Variants in AP3B1 observed in about 807,000 individuals in gnomAD.
AP3B1 encodes the protein adaptor related protein complex 3 subunit beta 1.
In AP3B1, 61 loss-of-function variants were observed where a neutral mutation model predicts 132.5. The observed-to-expected ratio is 0.46, with a 90% CI of 0.37 to 0.57. AP3B1 has a LOEUF of 0.57. Among genes scored for constraint, AP3B1 ranks in the 20% least tolerant of loss-of-function variants. The probability of loss-of-function intolerance (pLI) is 0.00; values close to 1 mark genes in which losing one functional copy is unlikely to be tolerated. For missense variants in AP3B1, 1,120 were observed against 1,289.4 expected (o/e 0.87, Z 2.01); for synonymous variants, 388 against 438.3 (o/e 0.89, Z 1.43).
intron 2 of AP3B1, among the ~76,000 whole-genome samples, chr5:78,243,509 C>G (rs1380053176): frequency 6.6e-6 from 1 of 152,198 alleles, no homozygotes; most frequent in Non-Finnish European, 1.5e-5. Flanking sequence ...ATACAAAGTC[C>G]TTGCCCATGT....
At chr5:78,128,483 C>T (rs944938573) in intron 16 of AP3B1, among the ~76,000 whole-genome samples, 1 of 152,098 alleles carries the variant, frequency 6.6e-6, no homozygotes, top group East Asian at 1.9e-4. Flanking sequence ...TTGGCACAAA[C>T]ACATCCAGAA....
chr5:78,124,350 T>C (rs1752370331), intron 17 of AP3B1, among the ~76,000 whole-genome samples: 1 of 151,942 alleles, frequency 6.6e-6, no homozygotes, highest in Admixed American at 6.6e-5. Context: ...AATAATAAAA[T>C]AAAAATTAAA....
rs566801586 is a variant in AP3B1, at chr5:78,236,762, G to C, written c.279+4100C>G. Among the ~76,000 whole-genome samples, 26 of 152,160 alleles carry C rather than the reference G, an allele frequency of 1.7e-4. No individual in the cohort carries two copies. The East Asian group carries it at 4.6e-3, about 27-fold the overall frequency. ...TCTATTCCTGATAATACTAAGACAA[G>C]CTTCACCTATGCCTCATAATTTTTC... On this transcript the variant is annotated intron_variant, in intron 3 of 26. Transcript: ENST00000255194.
intron 22 of AP3B1, among the ~76,000 whole-genome samples, chr5:78,080,223 G>T (rs1033784275): frequency 1.3e-5 from 2 of 151,948 alleles, no homozygotes; most frequent in Non-Finnish European, 2.9e-5. Context: ...TGACCAGGCT[G>T]GTCTGGAACT....
intron 21 of AP3B1, 42 bp downstream of exon 21, chr5:78,100,911 C>A: frequency 8.3e-7 from 1 of 1,203,912 alleles, no homozygotes; most frequent in South Asian, 1.4e-5. Flanking sequence ...AAAAAATACT[C>A]TTACTAAACA....
chr5:78,191,374 A>C (rs1463013396), intron 7 of AP3B1, among the ~76,000 whole-genome samples: 1 of 149,968 alleles, frequency 6.7e-6, no homozygotes, highest in African/African-American at 2.5e-5. Context: ...AAAAAAAAAA[A>C]AAAGGATGTG....
intron 14 of AP3B1, 114 bp from the exon 15 acceptor site, chr5:78,141,433 ATATC>A: frequency 1.3e-6 from 1 of 752,550 alleles, no homozygotes. Context: ...AATTTAATGT[ATATC>A]TAGGAATTAA....
intron 2 of AP3B1, among the ~76,000 whole-genome samples, chr5:78,256,665 T>C (rs1747860943): frequency 6.6e-6 from 1 of 152,144 alleles, no homozygotes; most frequent in Non-Finnish European, 1.5e-5. Flanking sequence ...AAACTCATTC[T>C]ACAAGGCCAG....
chr5:78,183,868 A>T (rs1432719350), intron 7 of AP3B1, among the ~76,000 whole-genome samples: 1 of 92,322 alleles, frequency 1.1e-5, no homozygotes, highest in Non-Finnish European at 2.5e-5. Context: ...ATTCCATCTT[A>T]AAAAAAAAAA....
intron 7 of AP3B1, among the ~76,000 whole-genome samples, chr5:78,183,053 C>A (rs564329329): frequency 6.6e-6 from 1 of 152,334 alleles, no homozygotes; most frequent in South Asian, 2.1e-4. Flanking sequence ...CCAAAGTCAG[C>A]CCCGCCCACA....
chr5:78,282,698 C>A (rs1327166517), intron 1 of AP3B1, among the ~76,000 whole-genome samples: 1 of 151,970 alleles, frequency 6.6e-6, no homozygotes, highest in African/African-American at 2.4e-5. Context: ...ATTATAATAG[C>A]TTAAAAAGTA....
intron 24 of AP3B1, among the ~76,000 whole-genome samples, chr5:78,028,816 G>A (rs370317547): frequency 3.3e-5 from 5 of 151,964 alleles, no homozygotes; most frequent in East Asian, 1.9e-4. Flanking sequence ...CAATTTAATC[G>A]TTTTTATTCC....
intron 1 of AP3B1, among the ~76,000 whole-genome samples, chr5:78,279,066 A>T (rs1561217598): frequency 6.6e-6 from 1 of 152,224 alleles, no homozygotes; most frequent in Non-Finnish European, 1.5e-5. Flanking sequence ...CAACATATGG[A>T]AAGATCTTTT....
chr5:78,267,599 T>C lies in AP3B1; in HGVS notation c.129-4A>G. The C allele has an allele frequency of 1.3e-6, 2 of 1,581,584 alleles. No homozygotes were observed. The highest frequency in any genetic ancestry group is 1.7e-6 in the Non-Finnish European group (2 of 1,153,004). The stretch of plus-strand genomic sequence containing the variant: ...CATTTGCTTTAGATCTTCATTCCTA[T>C]TACAAAAGAGAAGAAAAAAAATCCA... On this transcript the variant is annotated splice_polypyrimidine_tract_variant and splice_region_variant and intron_variant, in intron 1 of 26. Coordinates refer to ENST00000255194, the MANE Select transcript of AP3B1 (RefSeq NM_003664.5).
chr5:78,184,996 A>G (rs1171609999), intron 7 of AP3B1, among the ~76,000 whole-genome samples: 1 of 152,238 alleles, frequency 6.6e-6, no homozygotes, highest in Non-Finnish European at 1.5e-5. Flanking sequence ...ACACTTTACC[A>G]ATAACAGAAA....
At chr5:78,098,037 A>G (rs1476238451) in intron 21 of AP3B1, among the ~76,000 whole-genome samples, 1 of 151,754 alleles carries the variant, frequency 6.6e-6, no homozygotes, top group East Asian at 1.9e-4. Context: ...TAAATGGATT[A>G]AGGGCGGTGC....
chr5:78,076,151 C>T (rs916168329), intron 22 of AP3B1, among the ~76,000 whole-genome samples: 7 of 152,152 alleles, frequency 4.6e-5, no homozygotes, highest in East Asian at 1.9e-4. Flanking sequence ...CTTGTATCTA[C>T]GGATACTTCC....
chr5:78,254,359 A>C (rs1747768780), intron 2 of AP3B1, among the ~76,000 whole-genome samples: 1 of 152,200 alleles, frequency 6.6e-6, no homozygotes, highest in Non-Finnish European at 1.5e-5. Flanking sequence ...AAGTACAAGA[A>C]GGTTATAGAA....
intron 8 of AP3B1, among the ~76,000 whole-genome samples, chr5:78,177,872 G>A (rs552080879): frequency 5.9e-5 from 9 of 152,266 alleles, no homozygotes; most frequent in East Asian, 1.9e-4. Context: ...CCCTCAGAGC[G>A]TACAGAAGTA....
Sources: allele counts gnomAD v4.1 joint callset (sites outside exome capture counted in the v4.1 genomes callset), GRCh38; gene constraint gnomAD v4.1.1; transcripts MANE v1.5; gene names NCBI Gene and HGNC (gene_info 2026-07-23, HGNC 2026-07-21).